Variants in LRP2 observed in about 807,000 individuals in gnomAD.
LRP2 encodes the protein LDL receptor related protein 2.
LRP2 carries 172 observed loss-of-function variants against 531.0 expected under a neutral mutation model. The observed-to-expected ratio is 0.32, with a 90% confidence interval of 0.29 to 0.37. LRP2 has a LOEUF of 0.37. Ranked by LOEUF, LRP2 falls within the 10% of genes least tolerant of loss-of-function variation. The probability of loss-of-function intolerance (pLI) is 1.00; values close to 1 mark genes in which losing one functional copy is unlikely to be tolerated. For missense variants in LRP2, 5,167 were observed against 5,868.3 expected (o/e 0.88, Z 3.90); for synonymous variants, 1,992 against 2,027.6 (o/e 0.98, Z 0.47).
chr2:169,206,294 T>C, intron 39 of LRP2, 36 bp downstream of exon 39: 1 of 1,611,410 alleles, frequency 6.2e-7, no homozygotes, highest in African/African-American at 1.3e-5. Context: ...CCATTGTGTC[T>C]ACTTGCAGGA....
chr2:169,139,469 G>A (rs1040960447), intron 73 of LRP2, 74 bp downstream of exon 73: 9 of 1,612,172 alleles, frequency 5.6e-6, no homozygotes, highest in East Asian at 2.2e-5. Context: ...ACTGGGTTAA[G>A]TAGAAAAGCT....
At chr2:169,131,591 C>T (rs915001212) in intron 77 of LRP2, among the ~76,000 whole-genome samples, 3 of 152,078 alleles carry the variant, frequency 2.0e-5, no homozygotes, top group Non-Finnish European at 4.4e-5. Context: ...CAGATCCTAG[C>T]GGTTCTCAAC....
chr2:169,161,061 T>C (rs560317765), intron 63 of LRP2, among the ~76,000 whole-genome samples: 6 of 152,326 alleles, frequency 3.9e-5, no homozygotes, highest in African/African-American at 1.4e-4. Flanking sequence ...CTCCTAGAGT[T>C]TGGAGAAGGG....
At chr2:169,344,219 A>G (rs1293219063) in intron 1 of LRP2, among the ~76,000 whole-genome samples, 1 of 149,732 alleles carries the variant, frequency 6.7e-6, no homozygotes, top group East Asian at 2.0e-4. Flanking sequence ...TGCTGCACCC[A>G]TCAACCCGTC....
At chr2:169,194,912 T>C (rs1276036594) in intron 46 of LRP2, among the ~76,000 whole-genome samples, 1 of 151,002 alleles carries the variant, frequency 6.6e-6, no homozygotes, top group Non-Finnish European at 1.5e-5. Context: ...GGTTTCACCA[T>C]GTTGGCCAGG....
chr2:169,359,478 G>A (rs185014830), intron 1 of LRP2, among the ~76,000 whole-genome samples: 23 of 152,070 alleles, frequency 1.5e-4, no homozygotes, highest in South Asian at 2.1e-4. Context: ...TTAGTGATGC[G>A]AAGTTTGCAA....
At chr2:169,240,339 G>A (rs948226515) in intron 25 of LRP2, among the ~76,000 whole-genome samples, 1 of 152,168 alleles carries the variant, frequency 6.6e-6, no homozygotes, top group Non-Finnish European at 1.5e-5. Flanking sequence ...TCACATGCCT[G>A]GGGATGCAAA....
intron 35 of LRP2, among the ~76,000 whole-genome samples, chr2:169,215,031 C>T (rs907262478): frequency 6.6e-6 from 1 of 151,044 alleles, no homozygotes; most frequent in African/African-American, 2.4e-5. Context: ...GATTTAGAAG[C>T]TGTGCCCTGT....
At chr2:169,276,415 G>C (rs1683555258) in intron 13 of LRP2, among the ~76,000 whole-genome samples, 1 of 151,928 alleles carries the variant, frequency 6.6e-6, no homozygotes, top group South Asian at 2.1e-4. Context: ...GCAAAAGTTA[G>C]ACTATATAAT....
intron 34 of LRP2, among the ~76,000 whole-genome samples, chr2:169,219,584 G>A (rs1468856018): frequency 6.6e-6 from 1 of 152,062 alleles, no homozygotes; most frequent in Non-Finnish European, 1.5e-5. Context: ...TCCTTGCTAG[G>A]AAGAGAAAAC....
chr2:169,329,071 G>T (rs973926969), intron 1 of LRP2, among the ~76,000 whole-genome samples: 2 of 152,130 alleles, frequency 1.3e-5, no homozygotes, highest in Non-Finnish European at 2.9e-5. Flanking sequence ...AGACAATTTG[G>T]TTCCAAATAA....
intron 68 of LRP2, among the ~76,000 whole-genome samples, chr2:169,148,464 G>A (rs1686001891): frequency 6.6e-6 from 1 of 152,102 alleles, no homozygotes; most frequent in South Asian, 2.1e-4. Context: ...CATACCATAT[G>A]TGAATTATAT....
rs1318474871 is a variant in LRP2, at chr2:169,205,530, C to A, written c.7664G>T (p.Gly2555Val). 1 of 1,614,090 alleles carries A rather than the reference C, an allele frequency of 6.2e-7. No individual in the cohort carries two copies. The highest frequency in any genetic ancestry group is 2.2e-5 in the East Asian group (1 of 44,872). Residue 2555 changes from glycine to valine, a missense_variant, in exon 41 of 79, where the codon GGG (glycine) becomes GTG (valine). Physicochemically the swap from Gly to Val is moderately radical, Grantham distance 109 (BLOSUM62 -3). This residue lies in a region of LRP2 where 1,129 missense variants were observed against 1,362.7 expected (regional missense o/e 0.83). Coordinates refer to ENST00000649046, the MANE Select transcript of LRP2 (RefSeq NM_004525.3). Reference sequence around the variant, plus strand: ...GTCCTCTTCATAGTCCAGAGTCAGCCCACTGGGCATGACCAGACTGCTGTT... The same window carrying A: ...GTCCTCTTCATAGTCCAGAGTCAGCACACTGGGCATGACCAGACTGCTGTT... ...IVNSSLVMPS[G>V]LTLDYEEDLL... is the part of the protein sequence containing the mutation.
At chr2:169,299,155 G>A (rs188439371) in intron 4 of LRP2, among the ~76,000 whole-genome samples, 353 of 23,456 alleles carry the variant, frequency 0.015, 8 homozygotes, top group African/African-American at 0.034. Context: ...AAGAAAGAAA[G>A]AAAAAAAGAA....
intron 32 of LRP2, 71 bp downstream of exon 32, chr2:169,226,350 TA>T (rs1281234410): frequency 8.0e-7 from 1 of 1,257,282 alleles, no homozygotes; most frequent in East Asian, 2.3e-5. Flanking sequence ...AAAGTTTGCT[TA>T]TAAGAAAACA....
At chr2:169,148,822 A>G (rs921397039) in intron 68 of LRP2, among the ~76,000 whole-genome samples, 1 of 151,262 alleles carries the variant, frequency 6.6e-6, no homozygotes, top group African/African-American at 2.5e-5. Context: ...TTTGCCTATC[A>G]GTACCCAAGA....
rs200673871 is a variant in LRP2 at position 169,209,648 on chromosome 2, G to T, written c.6281-7C>A. Reference sequence around the variant, plus strand: ...ACATGCAGTGCGTTTCGTCCTGGAAGTTAAGAAAAGATCATTAAAAAATGC... The same window carrying T: ...ACATGCAGTGCGTTTCGTCCTGGAATTTAAGAAAAGATCATTAAAAAATGC... On this transcript the variant is annotated splice_polypyrimidine_tract_variant and splice_region_variant and intron_variant, in intron 37 of 78. Coordinates refer to ENST00000649046, the MANE Select transcript of LRP2 (RefSeq NM_004525.3). 164 of 1,613,568 alleles carry T rather than the reference G, an allele frequency of 1.0e-4. No individual in the cohort carries two copies. Among genetic ancestry groups the T allele is most frequent in the South Asian group, 7.0e-4 (64 of 91,060 alleles).
At chr2:169,166,426 T>C (rs903314459) in intron 61 of LRP2, among the ~76,000 whole-genome samples, 2 of 152,054 alleles carry the variant, frequency 1.3e-5, no homozygotes, top group Non-Finnish European at 2.9e-5. Context: ...GAGAGGAGGA[T>C]GGCAGGTCTC....
In LRP2 at chr2:169,139,242, G is replaced by A. The variant is rs1685630791; in HGVS notation, c.13388+9C>T. The A allele has an allele frequency of 4.3e-6, 7 of 1,614,134 alleles. No homozygotes were observed. Among genetic ancestry groups the A allele is most frequent in the Non-Finnish European group, 5.9e-6 (7 of 1,180,012 alleles). ...TTCAAACATCAACGTTCCCCATAAT[G>A]AAACTGACCTTGGCAGCTTGGGCAG... is the stretch of plus-strand genomic sequence containing the variant. On this transcript the variant is annotated intron_variant, in intron 74 of 78. Coordinates refer to ENST00000649046, the MANE Select transcript of LRP2 (RefSeq NM_004525.3).
Sources: allele counts gnomAD v4.1 joint callset (sites outside exome capture counted in the v4.1 genomes callset), GRCh38; gene constraint gnomAD v4.1.1; regional missense constraint gnomAD v4.1.1; transcripts MANE v1.5; gene names NCBI Gene and HGNC (gene_info 2026-07-23, HGNC 2026-07-21).